Variants in SOX6 observed in about 807,000 individuals in gnomAD.
The protein encoded by SOX6 is transcription factor SOX-6.
In SOX6, 11 loss-of-function variants were observed where a neutral mutation model predicts 97.8. The observed-to-expected ratio is 0.11, with a 90% confidence interval of 0.07 to 0.19. SOX6 has a LOEUF of 0.19. SOX6 is among the 10% of genes least tolerant of loss of function. The pLI, the probability that SOX6 is intolerant of heterozygous loss-of-function variation, is 1.00. For synonymous variants in SOX6, 360 were observed against 371.4 expected, an observed-to-expected ratio of 0.97 and a Z score of 0.35; for missense variants, 810 against 1,039.5, an observed-to-expected ratio of 0.78 and a Z score of 3.04.
At chr11:16,047,307 C>T (rs140132344) in intron 11 of SOX6, among the ~76,000 whole-genome samples, 64 of 152,202 alleles carry the variant, frequency 4.2e-4, no homozygotes, top group Non-Finnish European at 8.5e-4. Flanking sequence ...ATGAAGCATT[C>T]TTCTCATCAA....
intron 12 of SOX6, among the ~76,000 whole-genome samples, chr11:16,029,316 C>T (rs1255247165): frequency 6.6e-6 from 1 of 152,122 alleles, no homozygotes; most frequent in Non-Finnish European, 1.5e-5. Flanking sequence ...GATGTGAGAC[C>T]GAGAGACAGT....
At chr11:16,007,151 C>G (rs2133852775) in intron 13 of SOX6, among the ~76,000 whole-genome samples, 1 of 152,180 alleles carries the variant, frequency 6.6e-6, no homozygotes, top group East Asian at 1.9e-4. Flanking sequence ...TGTCATTGTA[C>G]AAACATCATA....
At chr11:16,416,510 G>A (rs952529063) in intron 1 of SOX6, among the ~76,000 whole-genome samples, 1 of 152,084 alleles carries the variant, frequency 6.6e-6, no homozygotes, top group Admixed American at 6.6e-5. Context: ...TGGCTAATTT[G>A]TACCAGCTAA....
At chr11:16,077,013 A>G (rs1048588141) in intron 9 of SOX6, among the ~76,000 whole-genome samples, 3 of 151,204 alleles carry the variant, frequency 2.0e-5, no homozygotes, top group African/African-American at 7.3e-5. Flanking sequence ...TCGGCCTCCC[A>G]AAGTGCTGGG....
chr11:16,559,415 G>A (rs2133190197), intron 4 of SOX6, among the ~76,000 whole-genome samples: 1 of 152,110 alleles, frequency 6.6e-6, no homozygotes, highest in East Asian at 1.9e-4. Context: ...AAATCTCGTT[G>A]CTGCCCCCTG....
chr11:15,999,219 T>C (rs73417044), intron 13 of SOX6, among the ~76,000 whole-genome samples: 2,685 of 152,232 alleles, frequency 0.018, 78 homozygotes, highest in African/African-American at 0.062. Context: ...CTGGAATGGC[T>C]TAAGTGCTAA....
chr11:16,368,407 A>G (rs73429690), intron 1 of SOX6, among the ~76,000 whole-genome samples: 1 of 152,240 alleles, frequency 6.6e-6, no homozygotes, highest in African/African-American at 2.4e-5. Context: ...ATTTGTGCCC[A>G]GGAGGTCAAG....
At chr11:16,165,250 T>C (rs1054930603) in intron 6 of SOX6, among the ~76,000 whole-genome samples, 1 of 152,174 alleles carries the variant, frequency 6.6e-6, no homozygotes, top group Non-Finnish European at 1.5e-5. Flanking sequence ...CTCATTAAAA[T>C]TTTACTAAAT....
intron 1 of SOX6, among the ~76,000 whole-genome samples, chr11:16,457,870 A>G (rs1294378196): frequency 6.6e-6 from 1 of 152,012 alleles, no homozygotes; most frequent in Non-Finnish European, 1.5e-5. Context: ...AATGTTACCA[A>G]TGTTATCATG....
At chr11:16,144,655 T>A (rs969015256) in intron 6 of SOX6, among the ~76,000 whole-genome samples, 2 of 152,018 alleles carry the variant, frequency 1.3e-5, no homozygotes, top group African/African-American at 4.8e-5. Context: ...CAATAAAAAA[T>A]GATAAAGGGG....
intron 3 of SOX6, among the ~76,000 whole-genome samples, chr11:16,299,802 A>T (rs1855201700): frequency 6.6e-6 from 1 of 152,178 alleles, no homozygotes; most frequent in Non-Finnish European, 1.5e-5. Context: ...GAAAGGCCAA[A>T]GAAAGGGGGG....
At chr11:16,351,592 G>A (rs183100323) in intron 1 of SOX6, among the ~76,000 whole-genome samples, 17 of 152,088 alleles carry the variant, frequency 1.1e-4, no homozygotes, top group Non-Finnish European at 2.4e-4. Flanking sequence ...CCTCCATCCA[G>A]ATACAACCAA....
intron 9 of SOX6, among the ~76,000 whole-genome samples, chr11:16,057,407 AACTATC>A (rs1847843929): frequency 6.6e-6 from 1 of 152,122 alleles, no homozygotes; most frequent in African/African-American, 2.4e-5. Context: ...ATTTTTATGT[AACTATC>A]ACTAATTCTC....
chr11:16,658,686 C>A (rs11601456), intron 3 of SOX6, among the ~76,000 whole-genome samples: 5,179 of 149,310 alleles, frequency 0.035, 122 homozygotes, highest in Non-Finnish European at 0.056. Flanking sequence ...CCAGCCTGGG[C>A]AACAGAGAGA....
At chr11:16,415,613 A>G (rs1280814606) in intron 1 of SOX6, among the ~76,000 whole-genome samples, 1 of 152,172 alleles carries the variant, frequency 6.6e-6, no homozygotes, top group African/African-American at 2.4e-5. Flanking sequence ...GGATATGCTA[A>G]TTACCCTGAT....
intron 9 of SOX6, among the ~76,000 whole-genome samples, chr11:16,078,572 G>A (rs1848407135): frequency 6.6e-6 from 1 of 152,078 alleles, no homozygotes; most frequent in Admixed American, 6.6e-5. Context: ...GCTACTATGG[G>A]CCAGGTATCA....
chr11:16,132,883 A>C (rs1229484281), intron 6 of SOX6, among the ~76,000 whole-genome samples: 1 of 152,182 alleles, frequency 6.6e-6, no homozygotes, highest in East Asian at 1.9e-4. Context: ...TAACACTAGC[A>C]TACAGATGAA....
chr11:16,490,850 C>G (rs1170525858), intron 4 of SOX6, among the ~76,000 whole-genome samples: 1 of 151,820 alleles, frequency 6.6e-6, no homozygotes, highest in Non-Finnish European at 1.5e-5. Flanking sequence ...CAAATTTGAC[C>G]TAATTGACAT....
At chr11:16,622,839 CCACACT>C (rs1391959549) in intron 3 of SOX6, among the ~76,000 whole-genome samples, 3 of 152,170 alleles carry the variant, frequency 2.0e-5, no homozygotes, top group Non-Finnish European at 4.4e-5. Flanking sequence ...TAGGAAATCT[CCACACT>C]GTTTTTCATA....
Sources: allele counts gnomAD v4.1 joint callset (sites outside exome capture counted in the v4.1 genomes callset), GRCh38; gene constraint gnomAD v4.1.1; transcripts MANE v1.5; gene names NCBI Gene and HGNC (gene_info 2026-07-23, HGNC 2026-07-21).